EPHB2: variants seen among roughly 807,000 people sequenced by gnomAD.
EPHB2 encodes ephrin type-B receptor 2.
Under a neutral mutation model 96.4 loss-of-function variants are expected in EPHB2, and 18 were observed. That is an observed-to-expected ratio of 0.19 (90% CI 0.13 to 0.28). The LOEUF (loss-of-function observed/expected upper bound fraction) is 0.28. Among genes scored for constraint, EPHB2 ranks in the 10% least tolerant of loss-of-function variants. The pLI is 1.00. For synonymous variants in EPHB2, 506 were observed against 534.1 expected (o/e 0.95, Z 0.72); for missense variants, 989 against 1,355.4 (o/e 0.73, Z 4.25).
chr1:22,855,062 A>T (rs764692119), intron 3 of EPHB2, among the ~76,000 whole-genome samples: 3 of 152,220 alleles, frequency 2.0e-5, no homozygotes, highest in African/African-American at 4.8e-5. Flanking sequence ...CCACAGCTGG[A>T]GTCCCAAGCT....
intron 1 of EPHB2, among the ~76,000 whole-genome samples, chr1:22,753,672 G>A (rs904763716): frequency 1.3e-5 from 2 of 152,024 alleles, no homozygotes; most frequent in Non-Finnish European, 2.9e-5. Flanking sequence ...GGGAGAGGCA[G>A]GAGATGAGGC....
At position 22,728,863 on chromosome 1, in the gene EPHB2, C is replaced by T. The variant is rs577420955; in HGVS notation, c.61+17820C>T. 2.0e-5 allele frequency among the ~76,000 whole-genome samples: 3 copies of T among 152,322 alleles called. No homozygotes were observed. In the South Asian group the frequency reaches 6.2e-4, roughly 32 times the overall value. ...GCTTCCTTAGGGGCCCTGAATTGGC[C>T]TCCTTGCAAATCCGCCTGCATGACA... On this transcript the variant is annotated intron_variant, in intron 1 of 15. Transcript: ENST00000374630.
intron 3 of EPHB2, among the ~76,000 whole-genome samples, chr1:22,825,362 C>T (rs533761479): frequency 1.3e-5 from 2 of 152,164 alleles, no homozygotes; most frequent in African/African-American, 4.8e-5. Context: ...CCTAACTCCT[C>T]GGATGATCCA....
chr1:22,848,962 C>T (rs377447630), intron 3 of EPHB2, among the ~76,000 whole-genome samples: 51 of 152,198 alleles, frequency 3.4e-4, no homozygotes, highest in Non-Finnish European at 5.6e-4. Flanking sequence ...TTGGAGCCTC[C>T]GTTTCTCATC....
In EPHB2 at chr1:22,906,721, G is replaced by A. The variant is rs1570466051; in HGVS notation, c.1900G>A (p.Glu634Lys). 7 of 1,614,124 alleles carry A rather than the reference G, an allele frequency of 4.3e-6. No homozygotes were observed. Among genetic ancestry groups the A allele is most frequent in the East Asian group, 2.2e-5 (1 of 44,880 alleles). The change falls in exon 11 of 16, where the codon GAG becomes AAG. Residue 634 changes from glutamate to lysine, a missense_variant. Coordinates refer to ENST00000374630, the MANE Select transcript of EPHB2 (RefSeq NM_017449.5). This position sits in a 1 kb window ranked among gnomAD's most constrained non-coding sequence, Gnocchi z 4.8. The stretch of plus-strand genomic sequence containing the variant: ...TGTTTCTCTCTCAGGGGAGTTTGGC[G>A]AGGTCTGCAGTGGCCACCTGAAGCT... ...EQVIGAGEFGEVCSGHLKLPG... is the reference protein window; with the variant it reads ...EQVIGAGEFGKVCSGHLKLPG...
intron 1 of EPHB2, among the ~76,000 whole-genome samples, chr1:22,763,795 G>T (rs74905727): frequency 6.6e-6 from 1 of 152,214 alleles, no homozygotes; most frequent in Non-Finnish European, 1.5e-5. Context: ...AATGGCCAGC[G>T]GGGGGTGAAG....
chr1:22,813,863 G>C (rs1287982778), intron 3 of EPHB2, among the ~76,000 whole-genome samples: 1 of 152,176 alleles, frequency 6.6e-6, no homozygotes, highest in African/African-American at 2.4e-5. Flanking sequence ...CCACACCCCT[G>C]TATCTGAGGC....
intron 3 of EPHB2, among the ~76,000 whole-genome samples, chr1:22,793,106 A>C: frequency 6.6e-6 from 1 of 152,168 alleles, no homozygotes; most frequent in African/African-American, 2.4e-5. Flanking sequence ...TGAGTCAGCT[A>C]AATGGAAGGT....
intron 3 of EPHB2, among the ~76,000 whole-genome samples, chr1:22,798,816 A>G (rs1431683559): frequency 1.3e-5 from 2 of 152,114 alleles, no homozygotes; most frequent in Non-Finnish European, 2.9e-5. Flanking sequence ...GGCTCCGAGG[A>G]GTCAAAGGAG....
chr1:22,853,174 T>C (rs779299465), intron 3 of EPHB2, among the ~76,000 whole-genome samples: 7 of 152,238 alleles, frequency 4.6e-5, no homozygotes, highest in Non-Finnish European at 8.8e-5. Flanking sequence ...CACAGTGAAA[T>C]CCCGTCTCTA....
At chr1:22,809,767 A>G (rs995815296) in intron 3 of EPHB2, among the ~76,000 whole-genome samples, 2 of 152,224 alleles carry the variant, frequency 1.3e-5, no homozygotes, top group African/African-American at 2.4e-5. Flanking sequence ...AGGCACCAAG[A>G]CTGCGCGAGG....
intron 2 of EPHB2, 90 bp downstream of exon 2, chr1:22,781,575 C>T (rs2148419889): frequency 7.5e-7 from 1 of 1,326,326 alleles, no homozygotes; most frequent in Non-Finnish European, 1.1e-6. Flanking sequence ...ATTCTAACCC[C>T]TTTCCCCCTC....
At chr1:22,772,883 G>A (rs889486394) in intron 1 of EPHB2, among the ~76,000 whole-genome samples, 3 of 152,204 alleles carry the variant, frequency 2.0e-5, no homozygotes, top group Non-Finnish European at 2.9e-5. Flanking sequence ...CCTTTCCTGA[G>A]GCAGCATAGT....
At chr1:22,886,239 C>A (rs1387783463) in intron 6 of EPHB2, among the ~76,000 whole-genome samples, 2 of 152,186 alleles carry the variant, frequency 1.3e-5, no homozygotes, top group East Asian at 3.9e-4. Flanking sequence ...TTCTAGGCAT[C>A]AGGAATCGCA....
chr1:22,712,940 G>C (rs886593038), intron 1 of EPHB2, among the ~76,000 whole-genome samples: 5 of 152,166 alleles, frequency 3.3e-5, no homozygotes, highest in Non-Finnish European at 5.9e-5. Context: ...GTTGGAAGAG[G>C]CCTGGGTGTG....
rs371328630 is a variant in EPHB2 at position 22,776,698 on chromosome 1, A to C, written c.62-4723A>C. Among the ~76,000 whole-genome samples, 10 of 152,336 alleles carry C rather than the reference A, an allele frequency of 6.6e-5. 1 individual carries two copies. Among genetic ancestry groups the C allele is most frequent in the African/African-American group, 2.4e-4 (10 of 41,578 alleles). ...ATCATGATTACGCTTTTTCCTCTTT[A>C]AGATGCATTTAAGAAAGAAAAGGAG... On this transcript the variant is annotated intron_variant, in intron 1 of 15. Coordinates refer to ENST00000374630, the MANE Select transcript of EPHB2 (RefSeq NM_017449.5).
intron 1 of EPHB2, among the ~76,000 whole-genome samples, chr1:22,721,771 G>A (rs1196113314): frequency 2.7e-5 from 4 of 150,112 alleles, no homozygotes; most frequent in African/African-American, 9.9e-5. Flanking sequence ...ACCTGCCACC[G>A]CATCCAGCAT....
intron 3 of EPHB2, chr1:22,800,135 G>A (rs1644821650): frequency 2.0e-5 from 3 of 152,344 alleles, no homozygotes; most frequent in South Asian, 2.1e-4. Flanking sequence ...ACCCGGGAGG[G>A]ATGTGCACGC....
chr1:22,828,718 G>T (rs1046615786), intron 3 of EPHB2, among the ~76,000 whole-genome samples: 1 of 152,184 alleles, frequency 6.6e-6, no homozygotes, highest in African/African-American at 2.4e-5. Context: ...GGCCTAGAAA[G>T]GTTGTAATCA....
Sources: allele counts gnomAD v4.1 joint callset (sites outside exome capture counted in the v4.1 genomes callset), GRCh38; gene constraint gnomAD v4.1.1; non-coding constraint Gnocchi (gnomAD v3.1); transcripts MANE v1.5; gene names NCBI Gene and HGNC (gene_info 2026-07-23, HGNC 2026-07-21).